Variants in TIAM1 observed in about 807,000 individuals in gnomAD.
TIAM1 encodes TIAM Rac1 associated GEF 1.
TIAM1 carries 65 observed loss-of-function variants against 163.5 expected under a neutral mutation model. That is an observed-to-expected ratio of 0.40 (90% CI 0.33 to 0.49). TIAM1 has a LOEUF of 0.49. Among genes scored for constraint, TIAM1 ranks in the 20% least tolerant of loss-of-function variants. TIAM1 has a pLI of 0.77. For synonymous variants in TIAM1, 833 were observed against 810.1 expected (o/e 1.03, Z -0.48); for missense variants, 1,789 against 2,044.7 (o/e 0.87, Z 2.41).
intron 2 of TIAM1, among the ~76,000 whole-genome samples, chr21:31,313,823 C>T (rs1352349611): frequency 2.6e-5 from 4 of 152,184 alleles, no homozygotes; most frequent in East Asian, 1.9e-4. Context: ...GTAATCTGTC[C>T]GCCTCGGCCT....
chr21:31,262,919 G>A (rs1258203968), intron 4 of TIAM1, among the ~76,000 whole-genome samples: 1 of 150,902 alleles, frequency 6.6e-6, no homozygotes, highest in Non-Finnish European at 1.5e-5. Flanking sequence ...GGTCCCCTGG[G>A]TCAAAAACTT....
intron 26 of TIAM1, 21 bp from the exon 27 acceptor site, chr21:31,124,715 G>C (rs756470793): frequency 4.6e-5 from 71 of 1,540,798 alleles, no homozygotes; most frequent in Non-Finnish European, 6.2e-5. Context: ...AAGATTTACA[G>C]ATGTTAGAGA....
chr21:31,307,776 C>T (rs1027682432), intron 2 of TIAM1, among the ~76,000 whole-genome samples: 7 of 151,976 alleles, frequency 4.6e-5, no homozygotes, highest in African/African-American at 1.5e-4. Flanking sequence ...TCTCATTAGA[C>T]GGTACAGGCT....
rs1461469423 is a variant in TIAM1, at chr21:31,395,996, T to C, written c.-368-56574A>G. On this transcript the variant is annotated intron_variant, in intron 2 of 28. Transcript: ENST00000286827. The surrounding 1 kb of genome is among the most constrained non-coding windows in gnomAD (Gnocchi z 7.5). ...TTTTTCCTCCGTAATGGCTGTGAAA[T>C]TGATTGGGATATAGGCTAACAGAGG... 6.6e-6 allele frequency among the ~76,000 whole-genome samples: 1 copy of C among 152,152 alleles called. No homozygotes were observed. The highest frequency in any genetic ancestry group is 1.5e-5 in the Non-Finnish European group (1 of 68,036).
At chr21:31,430,986 T>C (rs59821377) in intron 2 of TIAM1, among the ~76,000 whole-genome samples, 2,880 of 152,226 alleles carry the variant, frequency 0.019, 89 homozygotes, top group African/African-American at 0.067. Flanking sequence ...CTTATAACCC[T>C]GACTTAAGAA....
chr21:31,274,950 A>G (rs1260005584), intron 3 of TIAM1, among the ~76,000 whole-genome samples: 2 of 149,500 alleles, frequency 1.3e-5, no homozygotes, highest in African/African-American at 5.0e-5. Context: ...CTCTACTAAA[A>G]ACTACAAAAA....
intron 1 of TIAM1, among the ~76,000 whole-genome samples, chr21:31,508,755 T>G (rs183075248): frequency 2.0e-5 from 3 of 152,254 alleles, no homozygotes; most frequent in Non-Finnish European, 2.9e-5. Context: ...CTTCTGACTC[T>G]GTAGGGTGAG....
chr21:31,546,465 G>A (rs1201800244), intron 1 of TIAM1, among the ~76,000 whole-genome samples: 3 of 151,886 alleles, frequency 2.0e-5, no homozygotes, highest in East Asian at 1.9e-4. Context: ...AAGGAGAATC[G>A]CTTGAAACCA....
chr21:31,330,938 TA>T (rs1184845294), intron 2 of TIAM1, among the ~76,000 whole-genome samples: 9 of 152,084 alleles, frequency 5.9e-5, no homozygotes, highest in African/African-American at 1.9e-4. Flanking sequence ...GATGGATTTA[TA>T]AACTCGGAAA....
At chr21:31,410,797 G>C (rs2077344455) in intron 2 of TIAM1, among the ~76,000 whole-genome samples, 1 of 151,976 alleles carries the variant, frequency 6.6e-6, no homozygotes, top group African/African-American at 2.4e-5. Context: ...GAAAGGGAGA[G>C]TCTGAATCCA....
intron 15 of TIAM1, among the ~76,000 whole-genome samples, chr21:31,166,830 TG>T (rs753143370): frequency 1.3e-5 from 2 of 152,182 alleles, no homozygotes; most frequent in Non-Finnish European, 2.9e-5. Flanking sequence ...CAAGCTCATC[TG>T]GGAACACAAT....
intron 3 of TIAM1, among the ~76,000 whole-genome samples, chr21:31,273,283 G>C (rs1393978348): frequency 2.6e-5 from 4 of 152,156 alleles, no homozygotes; most frequent in Admixed American, 1.3e-4. Context: ...AATGGTCCCT[G>C]TAAGCCAGAG....
intron 1 of TIAM1, among the ~76,000 whole-genome samples, chr21:31,511,393 C>T (rs1054949615): frequency 6.6e-6 from 1 of 152,190 alleles, no homozygotes; most frequent in Non-Finnish European, 1.5e-5. Flanking sequence ...ATTCTTAGTG[C>T]GGACTCTGTG....
chr21:31,167,347 T>C (rs1862044951), intron 15 of TIAM1, among the ~76,000 whole-genome samples: 1 of 152,186 alleles, frequency 6.6e-6, no homozygotes, highest in Non-Finnish European at 1.5e-5. Flanking sequence ...CCTCCCAAAG[T>C]GCTGGGATTA....
At chr21:31,452,803 GT>G (rs1176373925) in intron 2 of TIAM1, 1 of 531,482 alleles carries the variant, frequency 1.9e-6, no homozygotes, top group African/African-American at 1.9e-5. Context: ...GATGAGATGA[GT>G]GAGCAGGAAG....
At chr21:31,412,493 T>C (rs796383843) in intron 2 of TIAM1, among the ~76,000 whole-genome samples, 60 of 151,924 alleles carry the variant, frequency 3.9e-4, no homozygotes, top group African/African-American at 1.4e-3. Context: ...TCTTATAAGG[T>C]GCACGAAGCC....
At chr21:31,236,990 C>T (rs1418720037) in intron 6 of TIAM1, among the ~76,000 whole-genome samples, 2 of 152,174 alleles carry the variant, frequency 1.3e-5, no homozygotes, top group African/African-American at 4.8e-5. Context: ...GCACAGGACT[C>T]TGTGGGTGAA....
chr21:31,549,697 T>C (rs2123311499), intron 1 of TIAM1, among the ~76,000 whole-genome samples: 1 of 152,358 alleles, frequency 6.6e-6, no homozygotes, highest in East Asian at 1.9e-4. Flanking sequence ...AAAATTGGAC[T>C]CTTTATGCAC....
chr21:31,177,467 C>T (rs529569341), intron 15 of TIAM1, among the ~76,000 whole-genome samples: 2 of 152,264 alleles, frequency 1.3e-5, no homozygotes, highest in Non-Finnish European at 2.9e-5. Flanking sequence ...TTTAGCCGGG[C>T]GTGGTGGCGG....
Sources: gnomAD v4.1 joint callset for allele counts (sites outside exome capture counted in the v4.1 genomes callset) on GRCh38, gnomAD v4.1.1 for gene constraint, Gnocchi (gnomAD v3.1) non-coding constraint, MANE v1.5 for transcripts, NCBI Gene and HGNC (gene_info 2026-07-23, HGNC 2026-07-21) for gene names.